TAFA1: variants seen among roughly 807,000 people sequenced by gnomAD.
TAFA1 encodes the protein chemokine-like protein TAFA-1.
Under a neutral mutation model 18.5 loss-of-function variants are expected in TAFA1, and 4 were observed. That is an observed-to-expected ratio of 0.22 (90% CI 0.11 to 0.49). TAFA1 has a LOEUF of 0.49. Ranked by LOEUF, TAFA1 falls within the 20% of genes least tolerant of loss-of-function variation. The pLI, the probability that TAFA1 is intolerant of heterozygous loss-of-function variation, is 0.98. For synonymous variants in TAFA1, 56 were observed against 55.2 expected, an observed-to-expected ratio of 1.01 and a Z score of -0.06; for missense variants, 147 against 169.0, an observed-to-expected ratio of 0.87 and a Z score of 0.72.
chr3:68,004,680 C>T lies in TAFA1; in HGVS notation c.-26C>T, dbSNP rs1704327835. 1.3e-5 allele frequency: 2 copies of T among 152,178 alleles called. No homozygotes were observed. The highest frequency in any genetic ancestry group is 3.9e-4 in the East Asian group (2 of 5,166). 9.4% of individuals were successfully genotyped at this position (152,178 alleles called of 1,614,324 possible). A position where few individuals can be genotyped will look rare whatever the true frequency, so the allele number is the denominator to read the frequency against. On this transcript the variant is annotated 5_prime_UTR_variant, in exon 1 of 5. Coordinates refer to ENST00000478136, the MANE Select transcript of TAFA1 (RefSeq NM_213609.4). The stretch of plus-strand genomic sequence containing the variant: ...TTCCAATGAACACTAATAGAGTACT[C>T]TGCTCTTGGCTGGATTTTTCAGGTA...
At chr3:68,335,720 A>T (rs979935191) in intron 2 of TAFA1, among the ~76,000 whole-genome samples, 9 of 152,224 alleles carry the variant, frequency 5.9e-5, no homozygotes, top group Non-Finnish European at 1.3e-4. Context: ...TCCATTAATT[A>T]TAAAAATTAC....
intron 3 of TAFA1, among the ~76,000 whole-genome samples, chr3:68,460,779 A>C (rs2106921422): frequency 6.6e-6 from 1 of 152,326 alleles, no homozygotes; most frequent in South Asian, 2.1e-4. Context: ...AGGGCCCAGT[A>C]ATCTGTATTT....
chr3:68,187,680 G>A (rs2066287802), intron 2 of TAFA1, among the ~76,000 whole-genome samples: 1 of 151,972 alleles, frequency 6.6e-6, no homozygotes, highest in African/African-American at 2.4e-5. Flanking sequence ...ACATACCTGG[G>A]AGTGGGATTT....
Position 68,409,766 on chromosome 3 carries a change from A to G in TAFA1, c.119-7514A>G, listed in dbSNP as rs1011217915. ...CATAGGTGTCCATTCAAAAAATTTG[A>G]CCCAGTTTGTAGCCCAGAGTGATCC... is the stretch of plus-strand genomic sequence containing the variant. On this transcript the variant is annotated intron_variant, in intron 2 of 4. Transcript: ENST00000478136. Among the ~76,000 whole-genome samples the G allele has an allele frequency of 5.3e-5, 8 of 152,214 alleles. No individual in the cohort carries two copies. In the East Asian group the frequency reaches 1.5e-3, roughly 29 times the overall value.
At chr3:68,080,644 C>T (rs2064885588) in intron 2 of TAFA1, among the ~76,000 whole-genome samples, 1 of 152,118 alleles carries the variant, frequency 6.6e-6, no homozygotes, top group Admixed American at 6.5e-5. Flanking sequence ...TATTGGCCCC[C>T]ACTCTCTTCT....
intron 2 of TAFA1, among the ~76,000 whole-genome samples, chr3:68,173,888 T>C (rs1416598836): frequency 2.3e-5 from 2 of 88,106 alleles, no homozygotes; most frequent in African/African-American, 8.2e-5. Context: ...ATAACAGGGT[T>C]ATAGGATATT....
At chr3:68,095,135 G>GTGGGT (rs1274470439) in intron 2 of TAFA1, among the ~76,000 whole-genome samples, 2 of 152,108 alleles carry the variant, frequency 1.3e-5, no homozygotes, top group Non-Finnish European at 2.9e-5. Context: ...GTTTTCCAAA[G>GTGGGT]TGGGTTTACA....
At chr3:68,491,165 G>C (rs767933926) in intron 3 of TAFA1, among the ~76,000 whole-genome samples, 4 of 152,074 alleles carry the variant, frequency 2.6e-5, no homozygotes, top group Non-Finnish European at 4.4e-5. Context: ...AGAGTAGAAA[G>C]GGATCCAGCC....
intron 2 of TAFA1, among the ~76,000 whole-genome samples, chr3:68,130,103 C>G (rs781176063): frequency 1.8e-4 from 28 of 152,158 alleles, no homozygotes; most frequent in Non-Finnish European, 2.9e-4. Context: ...TCATGACAAC[C>G]CTGCCAGGAA....
intron 3 of TAFA1, among the ~76,000 whole-genome samples, chr3:68,438,421 C>T (rs1030979841): frequency 6.6e-6 from 1 of 152,158 alleles, no homozygotes; most frequent in Non-Finnish European, 1.5e-5. Context: ...TTTCTGCACA[C>T]CAGTTGTGGT....
chr3:68,471,881 C>G (rs140985968), intron 3 of TAFA1, among the ~76,000 whole-genome samples: 1 of 152,330 alleles, frequency 6.6e-6, no homozygotes, highest in African/African-American at 2.4e-5. Flanking sequence ...GGAGCACTAT[C>G]TGAGTGTACC....
chr3:68,481,918 A>G (rs1031922425), intron 3 of TAFA1, among the ~76,000 whole-genome samples: 3 of 152,222 alleles, frequency 2.0e-5, no homozygotes, highest in Admixed American at 1.3e-4. Flanking sequence ...AATCTTCTCA[A>G]ATTCACCCTA....
intron 2 of TAFA1, among the ~76,000 whole-genome samples, chr3:68,209,457 A>G (rs2066567485): frequency 6.6e-6 from 1 of 152,112 alleles, no homozygotes; most frequent in East Asian, 1.9e-4. Context: ...ACAAATGGAA[A>G]GCAACATAGA....
At chr3:68,311,848 C>T (rs183887328) in intron 2 of TAFA1, among the ~76,000 whole-genome samples, 67 of 152,348 alleles carry the variant, frequency 4.4e-4, no homozygotes, top group African/African-American at 1.4e-3. Context: ...ACTAGGGACT[C>T]TGTGTGGAGC....
At chr3:68,143,002 C>T (rs2065689219) in intron 2 of TAFA1, among the ~76,000 whole-genome samples, 1 of 151,586 alleles carries the variant, frequency 6.6e-6, no homozygotes, top group Non-Finnish European at 1.5e-5. Context: ...TTCGATTGCT[C>T]TGGAAGACTC....
chr3:68,499,848 T>C (rs1232613148), intron 3 of TAFA1, among the ~76,000 whole-genome samples: 1 of 130,318 alleles, frequency 7.7e-6, no homozygotes, highest in African/African-American at 3.0e-5. Context: ...AAACTGAATT[T>C]TTTTTTCTTT....
chr3:68,181,318 C>T (rs1236021874), intron 2 of TAFA1, among the ~76,000 whole-genome samples: 1 of 142,102 alleles, frequency 7.0e-6, no homozygotes, highest in Non-Finnish European at 1.5e-5. Flanking sequence ...ATTTGTTATG[C>T]AACAGTAGGT....
chr3:68,299,730 G>A (rs1428361235), intron 2 of TAFA1, among the ~76,000 whole-genome samples: 3 of 152,224 alleles, frequency 2.0e-5, no homozygotes, highest in African/African-American at 7.2e-5. Context: ...CTAGGGCTTT[G>A]CTGCCTTGTG....
At chr3:68,451,527 T>C (rs1234958694) in intron 3 of TAFA1, among the ~76,000 whole-genome samples, 5 of 152,174 alleles carry the variant, frequency 3.3e-5, no homozygotes, top group African/African-American at 7.2e-5. Context: ...AAAAGGCTAT[T>C]AGGCCTTTTC....
Sources: gnomAD v4.1 joint callset for allele counts (sites outside exome capture counted in the v4.1 genomes callset) on GRCh38, gnomAD v4.1.1 for gene constraint, MANE v1.5 for transcripts, NCBI Gene and HGNC (gene_info 2026-07-23, HGNC 2026-07-21) for gene names.